Variants in GFOD1 observed in about 807,000 individuals in gnomAD.
The protein encoded by GFOD1 is glucose-fructose oxidoreductase domain-containing protein 1.
GFOD1 carries 9 observed loss-of-function variants against 25.4 expected under a neutral mutation model. The observed-to-expected ratio is 0.35, with a 90% CI of 0.21 to 0.62. The LOEUF (loss-of-function observed/expected upper bound fraction) is 0.62, where lower values mean the gene tolerates loss of function less well. GFOD1 is among the 20% of genes least tolerant of loss of function. The pLI is 0.72. For missense variants in GFOD1, 403 were observed against 556.9 expected, an observed-to-expected ratio of 0.72 and a Z score of 2.78; for synonymous variants, 253 against 245.6, an observed-to-expected ratio of 1.03 and a Z score of -0.28.
At chr6:13,387,967 A>G (rs1012058285) in intron 1 of GFOD1, among the ~76,000 whole-genome samples, 3 of 152,114 alleles carry the variant, frequency 2.0e-5, no homozygotes, top group Non-Finnish European at 2.9e-5. Context: ...TTCCTATACA[A>G]CAATAACAGA....
At chr6:13,400,654 G>A (rs1000402992) in intron 1 of GFOD1, among the ~76,000 whole-genome samples, 1 of 152,212 alleles carries the variant, frequency 6.6e-6, no homozygotes, top group African/African-American at 2.4e-5. Context: ...ATAAAAGTGG[G>A]AGAATCTTTT....
chr6:13,375,174 T>C (rs1022798437), intron 1 of GFOD1, among the ~76,000 whole-genome samples: 8 of 152,354 alleles, frequency 5.3e-5, no homozygotes, highest in African/African-American at 1.7e-4. Context: ...CTAGGACTTA[T>C]TCCTCCCATC....
At chr6:13,473,213 C>T (rs1471728934) in intron 1 of GFOD1, among the ~76,000 whole-genome samples, 1 of 152,170 alleles carries the variant, frequency 6.6e-6, no homozygotes, top group East Asian at 1.9e-4. Context: ...GACCCTTGCA[C>T]CATCAGGTCT....
chr6:13,390,085 CT>C lies in GFOD1; in HGVS notation c.254-24424del, dbSNP rs1562202227. On this transcript the variant is annotated intron_variant, in intron 1 of 1. Coordinates refer to ENST00000379287, the MANE Select transcript of GFOD1 (RefSeq NM_018988.4). ...TCCCACCACCTCTGGGACATCCCCC[CT>C]GAGGACCCCAAGCCTTGTGTATCTC... 2.0e-5 allele frequency among the ~76,000 whole-genome samples: 3 copies of C among 152,302 alleles called. No homozygotes were observed. In the South Asian group the frequency reaches 6.2e-4, roughly 32 times the overall value.
intron 1 of GFOD1, among the ~76,000 whole-genome samples, chr6:13,369,828 G>T (rs1584607505): frequency 6.6e-6 from 1 of 152,220 alleles, no homozygotes; most frequent in East Asian, 1.9e-4. Context: ...TAAATGAAAA[G>T]GGCTCTATTC....
At chr6:13,398,032 G>A (rs1785769486) in intron 1 of GFOD1, among the ~76,000 whole-genome samples, 1 of 152,196 alleles carries the variant, frequency 6.6e-6, no homozygotes, top group Non-Finnish European at 1.5e-5. Context: ...ATAGGGGAAA[G>A]TGCAAACCTG....
Position 13,364,416 on chromosome 6 carries a change from G to A in GFOD1, c.*327C>T. The A allele has an allele frequency of 3.2e-6, 1 of 314,816 alleles. No homozygotes were observed. Among genetic ancestry groups the A allele is most frequent in the Non-Finnish European group, 6.0e-6 (1 of 167,322 alleles). 19.5% of individuals were successfully genotyped at this position (314,816 alleles called of 1,614,324 possible). On this transcript the variant is annotated 3_prime_UTR_variant, in exon 2 of 2. Transcript: ENST00000379287. This position sits in a 1 kb window ranked among gnomAD's most constrained non-coding sequence, Gnocchi z 4.1. ...AGGTGTGTGGGATGGATGAGGTAGGGAGGGAAGCAACCCCTCCTTGCTTGT... is the reference window on the plus strand; with the variant it reads ...AGGTGTGTGGGATGGATGAGGTAGGAAGGGAAGCAACCCCTCCTTGCTTGT...
intron 1 of GFOD1, among the ~76,000 whole-genome samples, chr6:13,417,310 C>T (rs533986767): frequency 5.9e-5 from 9 of 152,250 alleles, no homozygotes; most frequent in South Asian, 2.1e-4. Context: ...CCCGCCACCA[C>T]GCCCGGCTAA....
intron 1 of GFOD1, among the ~76,000 whole-genome samples, chr6:13,389,003 A>C (rs1785531352): frequency 6.6e-6 from 1 of 152,262 alleles, no homozygotes; most frequent in South Asian, 2.1e-4. Flanking sequence ...GCCAACAGAC[A>C]CATGAAAAAA....
At chr6:13,399,238 C>G (rs921496671) in intron 1 of GFOD1, among the ~76,000 whole-genome samples, 1 of 152,062 alleles carries the variant, frequency 6.6e-6, no homozygotes, top group Non-Finnish European at 1.5e-5. Context: ...GTCTCGAACT[C>G]CTGGACTCAA....
chr6:13,463,017 C>A (rs1350061313), intron 1 of GFOD1, among the ~76,000 whole-genome samples: 1 of 152,214 alleles, frequency 6.6e-6, no homozygotes. Context: ...GAGAGCAGCT[C>A]TCTTTTCAAA....
At chr6:13,397,003 C>G (rs1215379913) in intron 1 of GFOD1, among the ~76,000 whole-genome samples, 2 of 152,172 alleles carry the variant, frequency 1.3e-5, no homozygotes, top group East Asian at 3.9e-4. Flanking sequence ...GTAGGGCTTC[C>G]TGAGTGGTGG....
intron 1 of GFOD1, chr6:13,486,414 G>C: frequency 1.7e-6 from 1 of 604,630 alleles, no homozygotes; most frequent in Non-Finnish European, 2.9e-6. Context: ...GTGGGGAAGC[G>C]CGTCCAAGTG....
chr6:13,461,793 C>G (rs961080382), intron 1 of GFOD1, among the ~76,000 whole-genome samples: 1 of 152,188 alleles, frequency 6.6e-6, no homozygotes, highest in African/African-American at 2.4e-5. Context: ...AGAAAACACA[C>G]GAGCCAGGCT....
chr6:13,388,467 C>T (rs1321650974), intron 1 of GFOD1, among the ~76,000 whole-genome samples: 13 of 152,186 alleles, frequency 8.5e-5, no homozygotes, highest in African/African-American at 3.1e-4. Flanking sequence ...CACACATCTA[C>T]GACCATCTGA....
chr6:13,425,374 G>T (rs901778714), intron 1 of GFOD1, among the ~76,000 whole-genome samples: 15 of 152,172 alleles, frequency 9.9e-5, no homozygotes, highest in African/African-American at 3.6e-4. Context: ...GGTCCCAGAA[G>T]TAGTAAGAGG....
chr6:13,429,396 G>A (rs1489135187), intron 1 of GFOD1, among the ~76,000 whole-genome samples: 5 of 152,196 alleles, frequency 3.3e-5, no homozygotes, highest in African/African-American at 9.7e-5. Context: ...CTTTAAGAAC[G>A]ACAAACTATT....
chr6:13,462,813 C>T (rs118020017), intron 1 of GFOD1, among the ~76,000 whole-genome samples: 4 of 152,242 alleles, frequency 2.6e-5, no homozygotes, highest in East Asian at 1.9e-4. Flanking sequence ...AAACCCAACC[C>T]GATGGTTAAC....
intron 1 of GFOD1, among the ~76,000 whole-genome samples, chr6:13,461,028 A>G (rs1417153642): frequency 3.3e-5 from 5 of 152,162 alleles, no homozygotes; most frequent in Non-Finnish European, 7.4e-5. Context: ...ACTGTGAAAA[A>G]TACATTTCTG....
Sources: allele counts gnomAD v4.1 joint callset (sites outside exome capture counted in the v4.1 genomes callset), GRCh38; gene constraint gnomAD v4.1.1; non-coding constraint Gnocchi (gnomAD v3.1); transcripts MANE v1.5; gene names NCBI Gene and HGNC (gene_info 2026-07-23, HGNC 2026-07-21).